THSD1: variants seen among roughly 807,000 people sequenced by gnomAD.
The protein encoded by THSD1 is thrombospondin type 1 domain containing 1.
In THSD1, 34 loss-of-function variants were observed where a neutral mutation model predicts 46.3. The observed-to-expected ratio is 0.74, with a 90% CI of 0.56 to 0.98. The LOEUF (loss-of-function observed/expected upper bound fraction) is 0.98. Among genes scored for constraint, THSD1 ranks in the 50% least tolerant of loss-of-function variants. THSD1 has a pLI of 0.00. For missense variants in THSD1, 1,023 were observed against 1,058.3 expected, an observed-to-expected ratio of 0.97 and a Z score of 0.46; for synonymous variants, 407 against 416.5, an observed-to-expected ratio of 0.98 and a Z score of 0.28.
chr13:52,380,999 A>G (rs1268548032), intron 4 of THSD1, among the ~76,000 whole-genome samples: 2 of 151,976 alleles, frequency 1.3e-5, no homozygotes, highest in East Asian at 1.9e-4. Context: ...CATCCAACAT[A>G]TAGTACCTTC....
At chr13:52,387,856 T>C (rs902854936) in intron 3 of THSD1, among the ~76,000 whole-genome samples, 5 of 152,082 alleles carry the variant, frequency 3.3e-5, no homozygotes, top group African/African-American at 4.8e-5. Flanking sequence ...ATACATGTAA[T>C]TGGAATACCA....
chr13:52,405,684 T>G (rs1400211555), intron 1 of THSD1, among the ~76,000 whole-genome samples: 1 of 152,226 alleles, frequency 6.6e-6, no homozygotes, highest in Non-Finnish European at 1.5e-5. Context: ...ATTTAATCCT[T>G]GTATTTCATA....
chr13:52,403,672 G>T (rs535748894), intron 1 of THSD1, among the ~76,000 whole-genome samples: 1 of 152,068 alleles, frequency 6.6e-6, no homozygotes, highest in Non-Finnish European at 1.5e-5. Flanking sequence ...TAGTAGAAAC[G>T]GGGTTTCATT....
chr13:52,377,943 C>T lies in THSD1; in HGVS notation c.2027G>A (p.Arg676Gln), dbSNP rs374193756. ...RERSMSTLTP[R>Q]QAPAYSSRTR... ...CCTAGAGCTGTAGGCAGGGGCCTGC[C>T]GTGGAGTCAGAGTGGACATGCTCCT... The change falls in exon 5 of 5, where the codon CGG (arginine) becomes CAG (glutamine). Residue 676 changes from arginine to glutamine, a missense_variant. Around this residue, in one of 3 missense-constraint regions of THSD1, gnomAD observed 578 missense variants for 497.4 expected, o/e 1.16. Coordinates refer to ENST00000258613, the MANE Select transcript of THSD1 (RefSeq NM_018676.4). 1.5e-5 allele frequency: 24 copies of T among 1,614,024 alleles called. No individual in the cohort carries two copies. In the African/African-American group the frequency reaches 2.5e-4, roughly 17 times the overall value.
intron 2 of THSD1, 38 bp from the exon 3 acceptor site, chr13:52,398,232 C>A: frequency 7.0e-6 from 11 of 1,571,592 alleles, no homozygotes; most frequent in Non-Finnish European, 8.6e-6. Context: ...TTAAAAGGTG[C>A]ATTTGAGAAG....
At chr13:52,388,055 G>A (rs1257790902) in intron 3 of THSD1, among the ~76,000 whole-genome samples, 4 of 152,066 alleles carry the variant, frequency 2.6e-5, no homozygotes, top group Non-Finnish European at 4.4e-5. Context: ...GCTGAAGGGT[G>A]GGAGAATATA....
Position 52,402,681 on chromosome 13 carries a change from C to G in THSD1, c.-81G>C. 6.3e-7 allele frequency: 1 copy of G among 1,579,676 alleles called. No individual in the cohort carries two copies. Among genetic ancestry groups the G allele is most frequent in the Non-Finnish European group, 8.6e-7 (1 of 1,160,956 alleles). ...ATTGTGATTTTTTTCCCCAAAAACA[C>G]CTGAAATTAGAACCTCAAAAAATGA... On this transcript the variant is annotated splice_region_variant and 5_prime_UTR_variant, in exon 2 of 5. Coordinates refer to ENST00000258613, the MANE Select transcript of THSD1 (RefSeq NM_018676.4).
At chr13:52,401,385 T>C (rs1258386145) in intron 2 of THSD1, among the ~76,000 whole-genome samples, 2 of 151,732 alleles carry the variant, frequency 1.3e-5, no homozygotes, top group Non-Finnish European at 2.9e-5. Context: ...CTGCAAGCTC[T>C]GCCTCCCGGG....
At position 52,397,203 on chromosome 13, in the gene THSD1, T is replaced by A. The variant is rs778814201; in HGVS notation, c.1021+29A>T. The A allele has an allele frequency of 1.9e-5, 29 of 1,508,924 alleles. No individual in the cohort carries two copies. The Admixed American group carries it at 3.3e-4, about 17-fold the overall frequency. 93.5% of individuals were successfully genotyped at this position (1,508,924 alleles called of 1,614,324 possible). ...TTTTGATTACATGAAGGATTTGATT[T>A]AAAATGTTAAAAAAATCTCAATACA... On this transcript the variant is annotated intron_variant, in intron 3 of 4. Transcript: ENST00000258613.
In THSD1 at chr13:52,399,324, G is replaced by C. The variant is rs571312404; in HGVS notation, c.59-1130C>G. On this transcript the variant is annotated intron_variant, in intron 2 of 4. Transcript: ENST00000258613. ...TATATATCAAAGGAGGCAGAATTTGGCAATACAACAGTCAGCTGGCCCGTG... is the reference window on the plus strand; with the variant it reads ...TATATATCAAAGGAGGCAGAATTTGCCAATACAACAGTCAGCTGGCCCGTG... Among the ~76,000 whole-genome samples, 23 of 152,284 alleles carry C rather than the reference G, an allele frequency of 1.5e-4. 1 individual carries two copies. The South Asian group carries it at 4.8e-3, about 32-fold the overall frequency.
At chr13:52,380,131 C>T (rs1000343155) in intron 4 of THSD1, among the ~76,000 whole-genome samples, 7 of 152,084 alleles carry the variant, frequency 4.6e-5, no homozygotes, top group East Asian at 3.9e-4. Context: ...GTTTGTCCCA[C>T]GGTCATCAAA....
Position 52,377,963 on chromosome 13 carries a change from G to C in THSD1, c.2007C>G (p.Ser669Arg). The C allele has an allele frequency of 6.2e-7, 1 of 1,614,106 alleles. No homozygotes were observed. Among genetic ancestry groups the C allele is most frequent in the Non-Finnish European group, 8.5e-7 (1 of 1,179,990 alleles). Residue 669 changes from serine to arginine, a missense_variant, in exon 5 of 5, where the codon AGC (serine) becomes AGG (arginine). Transcript: ENST00000258613. Reference sequence around the variant, plus strand: ...CCTGCCGTGGAGTCAGAGTGGACATGCTCCTCTCTCGGAACGGCCGGGCCT... The same window carrying C: ...CCTGCCGTGGAGTCAGAGTGGACATCCTCCTCTCTCGGAACGGCCGGGCCT... The part of the protein sequence containing the change: ...ARQARPFRER[S>R]MSTLTPRQAP...
chr13:52,383,480 TC>T (rs1375474952), intron 4 of THSD1, among the ~76,000 whole-genome samples: 1 of 152,242 alleles, frequency 6.6e-6, no homozygotes, highest in African/African-American at 2.4e-5. Context: ...AAAGGCTTGT[TC>T]CCTGATGTAT....
chr13:52,403,788 C>T (rs1328162156), intron 1 of THSD1, among the ~76,000 whole-genome samples: 1 of 151,848 alleles, frequency 6.6e-6, no homozygotes, highest in African/African-American at 2.4e-5. Flanking sequence ...GGAAAAGGCA[C>T]TTATTTTTAT....
intron 3 of THSD1, among the ~76,000 whole-genome samples, chr13:52,391,238 A>G (rs1957771013): frequency 6.6e-6 from 1 of 150,668 alleles, no homozygotes; most frequent in Non-Finnish European, 1.5e-5. Flanking sequence ...TTTTTTTGAG[A>G]CAATGTCTCA....
intron 1 of THSD1, among the ~76,000 whole-genome samples, chr13:52,404,650 ATCAC>A (rs1405916515): frequency 6.6e-6 from 1 of 152,234 alleles, no homozygotes; most frequent in Non-Finnish European, 1.5e-5. Context: ...AACACATCAC[ATCAC>A]TTGGGCAAGT....
At chr13:52,401,703 A>G (rs558759355) in intron 2 of THSD1, among the ~76,000 whole-genome samples, 4 of 152,362 alleles carry the variant, frequency 2.6e-5, no homozygotes, top group African/African-American at 9.6e-5. Context: ...AAGGAGGTCT[A>G]CTGAATGAAA....
intron 3 of THSD1, among the ~76,000 whole-genome samples, chr13:52,392,032 A>G (rs1162089890): frequency 6.6e-6 from 1 of 151,696 alleles, no homozygotes; most frequent in Admixed American, 6.6e-5. Flanking sequence ...CTCTACTAAA[A>G]ATACAAAAAA....
In THSD1 at chr13:52,378,078, C is replaced by T; in HGVS notation, c.1892G>A (p.Arg631Lys). ...SQTLIRKSQA[R>K]HVGSRGGPSE... is the part of the protein sequence containing the mutation. The stretch of plus-strand genomic sequence containing the variant: ...CGGGCCCCCTCTGCTGCCCACGTGC[C>T]TTGCCTGTGACTTGCGGATCAGAGT... Residue 631 changes from arginine to lysine, a missense_variant, in exon 5 of 5, where the codon AGG (arginine) becomes AAG (lysine). Physicochemically the swap from Arg to Lys is conservative, Grantham distance 26. This residue lies in a region of THSD1 where 578 missense variants were observed against 497.4 expected (regional missense o/e 1.16). Transcript: ENST00000258613. 1 of 1,614,216 alleles carries T rather than the reference C, an allele frequency of 6.2e-7. No homozygotes were observed. Among genetic ancestry groups the T allele is most frequent in the Non-Finnish European group, 8.5e-7 (1 of 1,180,036 alleles).
Sources: gnomAD v4.1 joint callset for allele counts (sites outside exome capture counted in the v4.1 genomes callset) on GRCh38, gnomAD v4.1.1 for gene constraint, gnomAD v4.1.1 regional missense constraint, MANE v1.5 for transcripts, NCBI Gene and HGNC (gene_info 2026-07-23, HGNC 2026-07-21) for gene names.